Variants in HS6ST3 observed in about 807,000 individuals in gnomAD.
HS6ST3 encodes the protein heparan sulfate 6-O-sulfotransferase 3, also known as heparan-sulfate 6-O-sulfotransferase 3.
Under a neutral mutation model 36.7 loss-of-function variants are expected in HS6ST3, and 12 were observed. That is an observed-to-expected ratio of 0.33 (90% CI 0.21 to 0.53). The LOEUF (loss-of-function observed/expected upper bound fraction) is 0.53, where lower values mean the gene tolerates loss of function less well. Among genes scored for constraint, HS6ST3 ranks in the 20% least tolerant of loss-of-function variants. HS6ST3 has a pLI of 0.95. For missense variants in HS6ST3, 584 were observed against 640.9 expected, an observed-to-expected ratio of 0.91 and a Z score of 0.96; for synonymous variants, 240 against 257.5, an observed-to-expected ratio of 0.93 and a Z score of 0.65.
intron 1 of HS6ST3, among the ~76,000 whole-genome samples, chr13:96,206,829 A>C (rs1233919210): frequency 3.3e-5 from 5 of 152,198 alleles, no homozygotes; most frequent in Non-Finnish European, 7.3e-5. Flanking sequence ...TAAAGACTTA[A>C]ATATAAAACC....
chr13:96,408,705 C>A (rs2055491285), intron 1 of HS6ST3, among the ~76,000 whole-genome samples: 5 of 152,024 alleles, frequency 3.3e-5, no homozygotes. Flanking sequence ...GGGTGGATCA[C>A]CTGAGGTCAG....
chr13:96,245,504 A>G (rs1445273409), intron 1 of HS6ST3, among the ~76,000 whole-genome samples: 1 of 151,920 alleles, frequency 6.6e-6, no homozygotes, highest in Non-Finnish European at 1.5e-5. Flanking sequence ...ATTTCCAGGG[A>G]CCTTATAGAT....
intron 1 of HS6ST3, among the ~76,000 whole-genome samples, chr13:96,734,250 T>C (rs1030665907): frequency 6.6e-6 from 1 of 152,164 alleles, no homozygotes; most frequent in Non-Finnish European, 1.5e-5. Context: ...ACAAAGGAAA[T>C]ACTCTACACC....
At chr13:96,125,187 T>C (rs949475531) in intron 1 of HS6ST3, among the ~76,000 whole-genome samples, 2 of 152,156 alleles carry the variant, frequency 1.3e-5, no homozygotes, top group Non-Finnish European at 2.9e-5. Context: ...AAATCAAAGA[T>C]AAAGAGTGAG....
At chr13:96,548,087 TCTC>T (rs2056204370) in intron 1 of HS6ST3, among the ~76,000 whole-genome samples, 3 of 152,182 alleles carry the variant, frequency 2.0e-5, no homozygotes, top group South Asian at 4.1e-4. Context: ...AAGTGTTGCT[TCTC>T]CTGCACGCCC....
At chr13:96,192,202 T>TA (rs1223825693) in intron 1 of HS6ST3, among the ~76,000 whole-genome samples, 1 of 152,212 alleles carries the variant, frequency 6.6e-6, no homozygotes, top group East Asian at 1.9e-4. Flanking sequence ...GACTGGCAAA[T>TA]ATTATTACTA....
chr13:96,371,767 A>G (rs1255150428), intron 1 of HS6ST3, among the ~76,000 whole-genome samples: 1 of 152,144 alleles, frequency 6.6e-6, no homozygotes, highest in African/African-American at 2.4e-5. Context: ...AGGTTCTTCC[A>G]TATTGTTGCA....
chr13:96,565,415 CA>C (rs1329411335), intron 1 of HS6ST3, among the ~76,000 whole-genome samples: 1 of 152,030 alleles, frequency 6.6e-6, no homozygotes, highest in Non-Finnish European at 1.5e-5. Flanking sequence ...ACAGGTATCC[CA>C]AGTGCCTTTC....
At chr13:96,742,846 G>C (rs752992092) in intron 1 of HS6ST3, among the ~76,000 whole-genome samples, 1 of 151,916 alleles carries the variant, frequency 6.6e-6, no homozygotes, top group African/African-American at 2.4e-5. Context: ...ATCAGTTTTC[G>C]CTATAGCTCA....
intron 1 of HS6ST3, among the ~76,000 whole-genome samples, chr13:96,360,646 CA>C (rs5805964): frequency 0.39 from 52,715 of 134,202 alleles, 10,249 homozygotes; most frequent in African/African-American, 0.51. Context: ...TTTGTATTAT[CA>C]AAAAAAAAAA....
intron 1 of HS6ST3, among the ~76,000 whole-genome samples, chr13:96,734,356 C>A (rs1404264586): frequency 6.6e-6 from 1 of 152,216 alleles, no homozygotes; most frequent in East Asian, 1.9e-4. Flanking sequence ...TTAAAGATGT[C>A]TAGCAGTGAG....
intron 1 of HS6ST3, among the ~76,000 whole-genome samples, chr13:96,245,952 T>G (rs1278985414): frequency 6.6e-6 from 1 of 152,148 alleles, no homozygotes; most frequent in Non-Finnish European, 1.5e-5. Flanking sequence ...GTTAATATGT[T>G]AAATTATTAT....
chr13:96,725,740 G>A (rs1016484181), intron 1 of HS6ST3, among the ~76,000 whole-genome samples: 7 of 151,962 alleles, frequency 4.6e-5, no homozygotes, highest in African/African-American at 9.7e-5. Flanking sequence ...AGAATGTCAG[G>A]ACTCTATTCT....
chr13:96,521,071 T>C (rs999454662), intron 1 of HS6ST3, among the ~76,000 whole-genome samples: 5 of 152,224 alleles, frequency 3.3e-5, no homozygotes, highest in African/African-American at 1.2e-4. Flanking sequence ...GGCTGTTGAA[T>C]TTTGTCAAAG....
intron 1 of HS6ST3, among the ~76,000 whole-genome samples, chr13:96,517,491 A>G (rs1471007717): frequency 2.0e-5 from 3 of 152,218 alleles, no homozygotes; most frequent in South Asian, 2.1e-4. Flanking sequence ...CAATGATCCA[A>G]TCTACCACAT....
intron 1 of HS6ST3, among the ~76,000 whole-genome samples, chr13:96,331,731 T>C (rs2055069374): frequency 6.6e-6 from 1 of 152,214 alleles, no homozygotes; most frequent in African/African-American, 2.4e-5. Flanking sequence ...TCCCGGCTGC[T>C]TTGTTTACCT....
At chr13:96,385,422 T>A (rs771787673) in intron 1 of HS6ST3, among the ~76,000 whole-genome samples, 24 of 152,148 alleles carry the variant, frequency 1.6e-4, no homozygotes, top group Admixed American at 3.3e-4. Flanking sequence ...AAAATCACAC[T>A]GGACTTTGGT....
At chr13:96,363,290 A>ATT (rs35530266) in intron 1 of HS6ST3, among the ~76,000 whole-genome samples, 51,783 of 145,592 alleles carry the variant, frequency 0.36, 9,325 homozygotes, top group African/African-American at 0.45. Context: ...CTTCCTGTAC[A>ATT]TTTTTTTTTT....
At chr13:96,418,296 A>G (rs2055544930) in intron 1 of HS6ST3, among the ~76,000 whole-genome samples, 1 of 152,256 alleles carries the variant, frequency 6.6e-6, no homozygotes, top group South Asian at 2.1e-4. Flanking sequence ...CACATTGAAC[A>G]TGCAGTATGA....
Sources: allele counts gnomAD v4.1 joint callset (sites outside exome capture counted in the v4.1 genomes callset), GRCh38; gene constraint gnomAD v4.1.1; transcripts MANE v1.5; gene names NCBI Gene and HGNC (gene_info 2026-07-23, HGNC 2026-07-21).